The following REPS1 variants were observed in gnomAD, a reference collection of about 807,000 sequenced individuals.
The protein encoded by REPS1 is ralBP1-associated Eps domain-containing protein 1.
REPS1 carries 39 observed loss-of-function variants against 100.9 expected under a neutral mutation model. The ratio of observed to expected loss-of-function variants is 0.39; its 90% CI spans 0.30 to 0.50. The LOEUF (loss-of-function observed/expected upper bound fraction) is 0.50. REPS1 is among the 20% of genes least tolerant of loss of function. The pLI is 0.86. For synonymous variants in REPS1, 324 were observed against 340.3 expected (o/e 0.95, Z 0.53); for missense variants, 821 against 968.5 (o/e 0.85, Z 2.02).
rs1326118585 is a variant in REPS1 at position 138,945,737 on chromosome 6, G to A, written c.278-40C>T. 9.9e-6 allele frequency: 14 copies of A among 1,416,010 alleles called. No individual in the cohort carries two copies. The Admixed American group carries it at 2.5e-4, about 25-fold the overall frequency. The allele number at this position is 1,416,010 out of a possible 1,614,324, so 87.7% of individuals were successfully genotyped here. A position where few individuals can be genotyped will look rare whatever the true frequency, so the allele number is the denominator to read the frequency against. ...ATAATCATTACTTCAAAATAAAAAA[G>A]GACATATATATTGAAAACTAAAATA... On this transcript the variant is annotated intron_variant, in intron 2 of 19. Transcript: ENST00000450536.
chr6:138,958,166 C>T (rs1783518272), intron 1 of REPS1, among the ~76,000 whole-genome samples: 1 of 152,134 alleles, frequency 6.6e-6, no homozygotes, highest in Non-Finnish European at 1.5e-5. Flanking sequence ...TGGATAATGT[C>T]TATAACTGAT....
At chr6:138,979,198 C>CAAAAAAAAAAAAAAAAAAAAAAAAAAAA (rs1277794755) in intron 1 of REPS1, among the ~76,000 whole-genome samples, 1 of 91,798 alleles carries the variant, frequency 1.1e-5, no homozygotes, top group Non-Finnish European at 2.0e-5. Flanking sequence ...AAAAAAAAAA[C>CAAAAAAAAAAAAAAAAAAAAAAAAAAAA]AAAAAAAAAA....
rs369693401 is a variant in REPS1 at position 138,947,772 on chromosome 6, A to G, written c.277+18T>C. On this transcript the variant is annotated intron_variant, in intron 2 of 19. Transcript: ENST00000450536. ...AGAAGCCTATTTTCTTTCGGTTACTAGTGTACTCTATATTTACCTGTATTT... is the reference window on the plus strand; with the variant it reads ...AGAAGCCTATTTTCTTTCGGTTACTGGTGTACTCTATATTTACCTGTATTT... 34 of 1,552,030 alleles carry G rather than the reference A, an allele frequency of 2.2e-5. No homozygotes were observed. Among genetic ancestry groups the G allele is most frequent in the Admixed American group, 4.3e-5 (2 of 46,452 alleles).
chr6:138,969,933 A>G (rs1317490048), intron 1 of REPS1, among the ~76,000 whole-genome samples: 1 of 129,342 alleles, frequency 7.7e-6, no homozygotes, highest in Admixed American at 9.0e-5. Flanking sequence ...TTTTTTGGTC[A>G]GTCAAAACAA....
chr6:138,935,683 G>A (rs1488496380), intron 8 of REPS1, among the ~76,000 whole-genome samples: 4 of 151,782 alleles, frequency 2.6e-5, no homozygotes, highest in Non-Finnish European at 4.4e-5. Context: ...GTGAAACCCC[G>A]TCTCTACTAA....
At chr6:138,984,059 C>T (rs1785106458) in intron 1 of REPS1, among the ~76,000 whole-genome samples, 1 of 151,400 alleles carries the variant, frequency 6.6e-6, no homozygotes, top group South Asian at 2.1e-4. Flanking sequence ...TTCATAATCT[C>T]TACCATCTCT....
chr6:138,927,060 T>G (rs905609490), intron 9 of REPS1: 2 of 152,380 alleles, frequency 1.3e-5, no homozygotes, highest in African/African-American at 2.4e-5. Context: ...AATTAATATA[T>G]GTAGAGCTTA....
rs1197003541 is a variant in REPS1, at chr6:138,907,288, G to A, written c.2322+207C>T. On this transcript the variant is annotated intron_variant, in intron 19 of 19. Coordinates refer to ENST00000450536, the MANE Select transcript of REPS1 (RefSeq NM_001286611.2). ...GTTGCCAGGGTGATAGAGCGAGATC[G>A]TGTCTCTTTAAAAAAAAAAAAAAAA... The A allele has an allele frequency of 1.6e-5, 5 of 312,734 alleles. No individual in the cohort carries two copies. In the East Asian group the frequency reaches 1.7e-4, roughly 11 times the overall value. The allele number at this position is 312,734 out of a possible 1,614,324, so 19.4% of individuals were successfully genotyped here.
chr6:138,922,980 T>C (rs188032099), intron 10 of REPS1, among the ~76,000 whole-genome samples: 2 of 152,318 alleles, frequency 1.3e-5, no homozygotes, highest in African/African-American at 4.8e-5. Flanking sequence ...TCTATTATAC[T>C]AACAAATTCA....
chr6:138,943,811 C>G, intron 6 of REPS1, 42 bp downstream of exon 6: 1 of 1,533,980 alleles, frequency 6.5e-7, no homozygotes, highest in Non-Finnish European at 8.9e-7. Flanking sequence ...AATTGAGATT[C>G]TCCTGTCCCA....
chr6:138,971,565 T>A (rs1161896925), intron 1 of REPS1, among the ~76,000 whole-genome samples: 1 of 151,972 alleles, frequency 6.6e-6, no homozygotes, highest in African/African-American at 2.4e-5. Context: ...TTTTAAAAAA[T>A]GTCTTACAAT....
chr6:138,926,693 AGTAATGATTTAT>A, intron 9 of REPS1: 1 of 513,306 alleles, frequency 1.9e-6, no homozygotes, highest in Non-Finnish European at 3.5e-6. Flanking sequence ...TCAAAAGTAT[AGTAATGATTTAT>A]TGCAATCTCT....
chr6:138,956,114 C>G (rs1783371442), intron 1 of REPS1, among the ~76,000 whole-genome samples: 1 of 152,088 alleles, frequency 6.6e-6, no homozygotes, highest in Admixed American at 6.5e-5. Flanking sequence ...ATAGGACGCT[C>G]TCATGTCTTC....
At position 138,961,277 on chromosome 6, in the gene REPS1, C is replaced by T. The variant is rs376644335; in HGVS notation, c.154-13364G>A. On this transcript the variant is annotated intron_variant, in intron 1 of 19. Transcript: ENST00000450536. ...CTCAAAGGGCATTATTTTTTTGTCG[C>T]CCAGGCTGGAGTGCAGTGGCACGAT... Among the ~76,000 whole-genome samples, 3 of 151,972 alleles carry T rather than the reference C, an allele frequency of 2.0e-5. 1 individual carries two copies.
At chr6:138,940,382 T>A (rs1480410417) in intron 8 of REPS1, among the ~76,000 whole-genome samples, 1 of 152,172 alleles carries the variant, frequency 6.6e-6, no homozygotes, top group Non-Finnish European at 1.5e-5. Flanking sequence ...AAACATTAGG[T>A]TTCCTTTTAT....
chr6:138,927,652 C>T (rs945857734), intron 9 of REPS1: 2 of 152,078 alleles, frequency 1.3e-5, no homozygotes, highest in Non-Finnish European at 2.9e-5. Flanking sequence ...CAAATGAGCA[C>T]ACTGGTGAAA....
At chr6:138,984,074 CTCTCT>C (rs1026584661) in intron 1 of REPS1, among the ~76,000 whole-genome samples, 2 of 148,314 alleles carry the variant, frequency 1.3e-5, no homozygotes, top group African/African-American at 5.0e-5. Context: ...ATCTCTCTCT[CTCTCT>C]TTTTTTTTTT....
intron 1 of REPS1, among the ~76,000 whole-genome samples, chr6:138,955,153 A>G (rs927855888): frequency 6.6e-6 from 1 of 152,160 alleles, no homozygotes; most frequent in Non-Finnish European, 1.5e-5. Context: ...TATGCTTTAA[A>G]TATATAACAT....
intron 17 of REPS1, 37 bp downstream of exon 17, chr6:138,911,239 T>G: frequency 7.8e-7 from 1 of 1,282,100 alleles, no homozygotes. Context: ...TTACTTATGA[T>G]GTACAAAATT....
Sources: allele counts gnomAD v4.1 joint callset (sites outside exome capture counted in the v4.1 genomes callset), GRCh38; gene constraint gnomAD v4.1.1; transcripts MANE v1.5; gene names NCBI Gene and HGNC (gene_info 2026-07-23, HGNC 2026-07-21).